LY96: variants seen among roughly 807,000 people sequenced by gnomAD.
The protein encoded by LY96 is lymphocyte antigen 96.
A neutral mutation model predicts 18.9 loss-of-function variants in LY96; 18 were observed. The ratio of observed to expected loss-of-function variants is 0.95; its 90% CI spans 0.66 to 1.41. The LOEUF is 1.41. Among genes scored for constraint, LY96 ranks in the 40% most tolerant of loss-of-function variants. The pLI is 0.00. For missense variants in LY96, 175 were observed against 182.4 expected, an observed-to-expected ratio of 0.96 and a Z score of 0.23; for synonymous variants, 66 against 62.6, an observed-to-expected ratio of 1.06 and a Z score of -0.26.
the LY96 span, among the ~76,000 whole-genome samples, chr8:74,040,509 T>C: frequency 5.3e-5 from 8 of 152,196 alleles, no homozygotes; most frequent in Admixed American, 4.6e-4. Context: ...TTGATTTGTA[T>C]ACATAATGAG....
chr8:74,043,233 G>A, the LY96 span, among the ~76,000 whole-genome samples: 1 of 151,998 alleles, frequency 6.6e-6, no homozygotes. Flanking sequence ...GGGCAATACA[G>A]GAACAGGGGT....
At chr8:74,061,610 G>A in the LY96 span, among the ~76,000 whole-genome samples, 1 of 152,154 alleles carries the variant, frequency 6.6e-6, no homozygotes, top group African/African-American at 2.4e-5. Context: ...TGCTAAGAGA[G>A]TAAATTTTTA....
At chr8:74,051,196 G>A in the LY96 span, among the ~76,000 whole-genome samples, 2 of 152,144 alleles carry the variant, frequency 1.3e-5, no homozygotes, top group Non-Finnish European at 2.9e-5. Context: ...TTCAAAGCAA[G>A]GGAAGTGAAG....
At chr8:73,999,288 C>T (rs967588865) in intron 1 of LY96, among the ~76,000 whole-genome samples, 3 of 151,682 alleles carry the variant, frequency 2.0e-5, no homozygotes, top group African/African-American at 7.3e-5. Context: ...TTTTTTGAAA[C>T]AAGATCTCAA....
downstream of LY96, among the ~76,000 whole-genome samples, chr8:74,031,698 A>G (rs1432800807): frequency 1.3e-5 from 2 of 152,020 alleles, no homozygotes; most frequent in African/African-American, 2.4e-5. Flanking sequence ...TTTAGAGTAA[A>G]GGAAAAATTA....
intron 1 of LY96, 67 bp downstream of exon 1, chr8:73,991,621 C>A: frequency 5.4e-6 from 5 of 923,122 alleles, no homozygotes; most frequent in Non-Finnish European, 9.0e-6. Flanking sequence ...TCACGAGAAC[C>A]GTACACTGTT....
chr8:74,029,460 G>A (rs1816933357), downstream of LY96, among the ~76,000 whole-genome samples: 2 of 152,158 alleles, frequency 1.3e-5, no homozygotes. Flanking sequence ...TTACCTCCAT[G>A]CTGTTCTCAT....
At chr8:74,002,347 A>G (rs576863191) in intron 1 of LY96, among the ~76,000 whole-genome samples, 1 of 151,484 alleles carries the variant, frequency 6.6e-6, no homozygotes, top group East Asian at 1.9e-4. Context: ...AACTCTCATA[A>G]TGCATATATG....
the LY96 span, among the ~76,000 whole-genome samples, chr8:74,062,059 C>T: frequency 6.6e-6 from 1 of 152,032 alleles, no homozygotes; most frequent in Non-Finnish European, 1.5e-5. Flanking sequence ...ATACTTTTTG[C>T]CAATTTTATG....
downstream of LY96, chr8:74,029,136 G>A (rs1282908209): frequency 2.6e-6 from 2 of 780,840 alleles, no homozygotes; most frequent in African/African-American, 1.7e-5. Context: ...ATCAGATATG[G>A]TAGGATAGGA....
chr8:74,018,023 A>G (rs1384819100), intron 3 of LY96, among the ~76,000 whole-genome samples: 1 of 152,192 alleles, frequency 6.6e-6, no homozygotes, highest in Non-Finnish European at 1.5e-5. Flanking sequence ...CTAACATCAT[A>G]ATGACAGGAT....
chr8:74,032,609 C>T (rs1041369043), downstream of LY96, among the ~76,000 whole-genome samples: 1 of 152,220 alleles, frequency 6.6e-6, no homozygotes, highest in African/African-American at 2.4e-5. Context: ...TTTTTGGAGA[C>T]GTGAGTCTGC....
chr8:74,042,591 G>A, the LY96 span, among the ~76,000 whole-genome samples: 6 of 152,076 alleles, frequency 3.9e-5, no homozygotes, highest in African/African-American at 1.4e-4. Context: ...CTTCCAACAC[G>A]AGCATAGCAC....
chr8:74,048,835 G>C, the LY96 span: 1 of 150,372 alleles, frequency 6.7e-6, no homozygotes, highest in Non-Finnish European at 1.5e-5. Flanking sequence ...AAGAAAGAAA[G>C]AAAGAAGAAA....
chr8:74,029,098 GT>G, downstream of LY96: 1 of 1,122,882 alleles, frequency 8.9e-7, no homozygotes. Flanking sequence ...TATTGTTCCT[GT>G]TTTAAGGGTA....
chr8:74,015,563 A>G (rs1416467359), intron 3 of LY96, among the ~76,000 whole-genome samples: 2 of 152,220 alleles, frequency 1.3e-5, no homozygotes, highest in African/African-American at 2.4e-5. Flanking sequence ...GCCCACCCTA[A>G]TGACCTCATT....
At chr8:74,002,093 T>TTCTTTCTCTCTC (rs1563710943) in intron 1 of LY96, among the ~76,000 whole-genome samples, 7 of 38,726 alleles carry the variant, frequency 1.8e-4, no homozygotes, top group African/African-American at 4.6e-4. Flanking sequence ...CTTTCTTTCT[T>TTCTTTCTCTCTC]TCTCTCTCTC....
At chr8:74,035,119 T>C in the LY96 span, among the ~76,000 whole-genome samples, 2 of 152,244 alleles carry the variant, frequency 1.3e-5, no homozygotes, top group Non-Finnish European at 2.9e-5. Flanking sequence ...TAAAAGTCTG[T>C]AACTAAACCC....
At chr8:74,039,567 G>A in the LY96 span, among the ~76,000 whole-genome samples, 2 of 152,144 alleles carry the variant, frequency 1.3e-5, no homozygotes, top group Non-Finnish European at 2.9e-5. Context: ...TTGCATACAA[G>A]ACAAGCGGGG....
Sources: gnomAD v4.1 joint callset for allele counts (sites outside exome capture counted in the v4.1 genomes callset) on GRCh38, gnomAD v4.1.1 for gene constraint, MANE v1.5 for transcripts, NCBI Gene and HGNC (gene_info 2026-07-23, HGNC 2026-07-21) for gene names.